The following AR variants were observed in gnomAD, a reference collection of about 807,000 sequenced individuals.
The protein encoded by AR is androgen receptor, also known as dihydrotestosterone receptor.
Under a neutral mutation model 53.9 loss-of-function variants are expected in AR, and 8 were observed. The observed-to-expected ratio is 0.15, with a 90% CI of 0.09 to 0.27. The LOEUF is 0.27. Ranked by LOEUF, AR falls within the 10% of genes least tolerant of loss-of-function variation. The pLI, the probability that AR is intolerant of heterozygous loss-of-function variation, is 1.00. For missense variants in AR, 639 were observed against 742.5 expected, an observed-to-expected ratio of 0.86 and a Z score of 1.62; for synonymous variants, 359 against 316.4, an observed-to-expected ratio of 1.13 and a Z score of -1.43.
At chrX:67,696,042 T>G in intron 3 of AR, 2 of 751,359 alleles carry the variant, frequency 2.7e-6, no homozygotes. Flanking sequence ...TTTCTACTAG[T>G]GAAATTTTCC....
chrX:67,648,825 G>A (rs1213575219), intron 2 of AR, among the ~76,000 whole-genome samples: 1 of 112,101 alleles, frequency 8.9e-6, no homozygotes, highest in Non-Finnish European at 1.9e-5. Flanking sequence ...GACCTTTTGA[G>A]TCCATTGCCT....
intron 1 of AR, among the ~76,000 whole-genome samples, chrX:67,614,662 T>A (rs935869587): frequency 9.0e-6 from 1 of 111,098 alleles, no homozygotes; most frequent in African/African-American, 3.3e-5. Context: ...GAACTAAAAA[T>A]TTTGAGGCAT....
In AR at chrX:67,546,158, A is replaced by G. The variant is rs752012251; in HGVS notation, c.1012A>G (p.Thr338Ala). The G allele has an allele frequency of 8.3e-7, 1 of 1,212,069 alleles. No individual in the cohort carries two copies. The highest frequency in any genetic ancestry group is 2.2e-5 in the Admixed American group (1 of 46,163). ...SGSAAAGSSG[T>A]LELPSTLSLY... ...CAGCGCTGCAGCAGGGAGCTCCGGG[A>G]CACTTGAACTGCCGTCTACCCTGTC... Residue 338 changes from threonine (T) to alanine (A), a missense_variant, in exon 1 of 8, where the codon ACA becomes GCA. By Grantham distance (58) the Thr-to-Ala change is moderately conservative. This residue lies in a region of AR where 423 missense variants were observed against 377.0 expected (regional missense o/e 1.12). Transcript: ENST00000374690.
At chrX:67,682,012 C>T (rs774513326) in intron 2 of AR, among the ~76,000 whole-genome samples, 278 of 111,457 alleles carry the variant, frequency 2.5e-3, no homozygotes, top group African/African-American at 8.1e-3. Flanking sequence ...AATAATTTGA[C>T]AAAATTCAAC....
In AR at chrX:67,633,819, A is replaced by G. The variant is rs1925288359; in HGVS notation, c.1617-9437A>G. 2.7e-5 allele frequency among the ~76,000 whole-genome samples: 3 copies of G among 112,151 alleles called. No homozygotes were observed. In the South Asian group the frequency reaches 1.1e-3, roughly 42 times the overall value. ...TGAAAAAAGCAACTCACAAAAGACT[A>G]CACTGTATGATTTTATTTGTATTAA... On this transcript the variant is annotated intron_variant, in intron 1 of 7. Transcript: ENST00000374690.
At chrX:67,722,801 C>G (rs781720572) in intron 6 of AR, 26 bp from the exon 7 acceptor site, 1 of 1,210,115 alleles carries the variant, frequency 8.3e-7, no homozygotes, top group Non-Finnish European at 1.1e-6. Flanking sequence ...GCTTCCCCTC[C>G]CCATTCTGTC....
chrX:67,663,223 C>T (rs1040149680), intron 2 of AR, among the ~76,000 whole-genome samples: 7 of 111,735 alleles, frequency 6.3e-5, no homozygotes, highest in Admixed American at 3.8e-4. Flanking sequence ...CTAGCCTCGA[C>T]GGTCTTTACA....
intron 1 of AR, among the ~76,000 whole-genome samples, chrX:67,547,058 T>G (rs749682116): frequency 5.4e-5 from 6 of 111,154 alleles, no homozygotes; most frequent in African/African-American, 1.6e-4. Context: ...ACAGAAATCC[T>G]ATTGCACGGG....
chrX:67,662,659 G>T (rs1486862723), intron 2 of AR, among the ~76,000 whole-genome samples: 1 of 111,292 alleles, frequency 9.0e-6, no homozygotes. Context: ...TGAAAAGAAT[G>T]TATATTCTGT....
intron 1 of AR, among the ~76,000 whole-genome samples, chrX:67,629,120 C>T (rs1184013599): frequency 9.0e-6 from 1 of 110,784 alleles, no homozygotes; most frequent in Non-Finnish European, 1.9e-5. Context: ...TGTCTCTGCC[C>T]GTCTTTGGTA....
At chrX:67,588,094 G>A (rs369325736) in intron 1 of AR, among the ~76,000 whole-genome samples, 3 of 111,692 alleles carry the variant, frequency 2.7e-5, no homozygotes, top group African/African-American at 3.3e-5. Flanking sequence ...GTGGAGCATC[G>A]GAGGCTGTTA....
intron 1 of AR, among the ~76,000 whole-genome samples, chrX:67,633,791 A>G (rs1469740451): frequency 8.9e-6 from 1 of 111,755 alleles, no homozygotes; most frequent in Non-Finnish European, 1.9e-5. Flanking sequence ...ACATTATGCT[A>G]GGTGAAAAAA....
chrX:67,553,193 G>T (rs922123830), intron 1 of AR, among the ~76,000 whole-genome samples: 7 of 111,583 alleles, frequency 6.3e-5, no homozygotes, highest in Admixed American at 4.8e-4. Context: ...TATAGTTTTC[G>T]CTATTTACAT....
chrX:67,716,145 C>A (rs975092294), intron 4 of AR, among the ~76,000 whole-genome samples: 1 of 111,900 alleles, frequency 8.9e-6, no homozygotes, highest in Non-Finnish European at 1.9e-5. Context: ...CACTCAAATA[C>A]GTGGACTGTA....
intron 2 of AR, among the ~76,000 whole-genome samples, chrX:67,670,862 G>A (rs988139588): frequency 9.0e-6 from 1 of 110,953 alleles, no homozygotes; most frequent in African/African-American, 3.3e-5. Context: ...TTGGTTTTCT[G>A]TTCTTGTGTT....
intron 3 of AR, among the ~76,000 whole-genome samples, chrX:67,686,817 A>G (rs184782940): frequency 1.1e-4 from 12 of 111,206 alleles, no homozygotes; most frequent in Admixed American, 9.5e-4. Context: ...GCGTTCCTCT[A>G]TCATAAGGCT....
intron 1 of AR, among the ~76,000 whole-genome samples, chrX:67,619,640 C>G (rs1301385494): frequency 9.0e-6 from 1 of 111,030 alleles, no homozygotes; most frequent in African/African-American, 3.3e-5. Context: ...TCAGTTATTT[C>G]TTCTGTAAAA....
Position 67,631,045 on chromosome X carries a change from T to C in AR, c.1617-12211T>C, listed in dbSNP as rs184544549. Among the ~76,000 whole-genome samples the C allele has an allele frequency of 2.8e-3, 317 of 111,739 alleles. 1 individual carries two copies. The highest frequency in any genetic ancestry group is 9.7e-3 in the African/African-American group (300 of 30,775). ...GATGGGCTTCCCTTTGAGGGTAACC[T>C]GACCTTTCTCTCTGGCTGCCCTTAA... On this transcript the variant is annotated intron_variant, in intron 1 of 7. Transcript: ENST00000374690.
intron 1 of AR, among the ~76,000 whole-genome samples, chrX:67,597,554 T>C (rs1482566332): frequency 1.8e-5 from 2 of 112,259 alleles, no homozygotes; most frequent in African/African-American, 3.2e-5. Flanking sequence ...GGCACTTTTC[T>C]GATTTGCTCA....
Sources: allele counts gnomAD v4.1 joint callset (sites outside exome capture counted in the v4.1 genomes callset), GRCh38; gene constraint gnomAD v4.1.1; regional missense constraint gnomAD v4.1.1; transcripts MANE v1.5; gene names NCBI Gene and HGNC (gene_info 2026-07-23, HGNC 2026-07-21).